RBFOX1: variants seen among roughly 807,000 people sequenced by gnomAD.
The protein encoded by RBFOX1 is RNA binding protein fox-1 homolog 1.
Under a neutral mutation model 57.7 loss-of-function variants are expected in RBFOX1, and 8 were observed. The ratio of observed to expected loss-of-function variants is 0.14; its 90% CI spans 0.08 to 0.25. RBFOX1 has a LOEUF of 0.25. Ranked by LOEUF, RBFOX1 falls within the 10% of genes least tolerant of loss-of-function variation. The pLI is 1.00. For synonymous variants in RBFOX1, 326 were observed against 222.4 expected (o/e 1.47, Z -4.15); for missense variants, 611 against 548.5 (o/e 1.11, Z -1.14).
At chr16:5,478,834 C>T (rs538387324) in intron 2 of RBFOX1, among the ~76,000 whole-genome samples, 64 of 152,210 alleles carry the variant, frequency 4.2e-4, no homozygotes, top group East Asian at 3.9e-4. Flanking sequence ...CCTACTCCCT[C>T]CCATGGGCTG....
At chr16:6,923,341 C>T (rs930889308) in intron 3 of RBFOX1, among the ~76,000 whole-genome samples, 4 of 152,084 alleles carry the variant, frequency 2.6e-5, no homozygotes, top group Admixed American at 6.6e-5. Context: ...CAAGACCAGC[C>T]TGGCCAACAT....
At chr16:6,003,601 T>G (rs911617948) in intron 4 of RBFOX1, among the ~76,000 whole-genome samples, 3 of 152,154 alleles carry the variant, frequency 2.0e-5, no homozygotes, top group African/African-American at 7.2e-5. Context: ...AGCGACAGCT[T>G]CCTGATCACC....
At chr16:7,480,735 G>C (rs1228118639) in intron 4 of RBFOX1, among the ~76,000 whole-genome samples, 2 of 152,302 alleles carry the variant, frequency 1.3e-5, no homozygotes, top group Non-Finnish European at 2.9e-5. Context: ...CGAGGGCACA[G>C]GCTTGACTGC....
chr16:5,396,936 G>T (rs184034074), intron 1 of RBFOX1, among the ~76,000 whole-genome samples: 1 of 152,188 alleles, frequency 6.6e-6, no homozygotes, highest in Admixed American at 6.5e-5. Flanking sequence ...AATCCTATCA[G>T]ACACCCCTGG....
At chr16:6,163,780 A>G (rs75306547) in intron 1 of RBFOX1, among the ~76,000 whole-genome samples, 5,162 of 152,286 alleles carry the variant, frequency 0.034, 316 homozygotes, top group African/African-American at 0.12. Flanking sequence ...TTATAAGGTG[A>G]TGTGTACCTA....
At chr16:7,657,117 G>A (rs1489267915) in intron 12 of RBFOX1, among the ~76,000 whole-genome samples, 2 of 152,088 alleles carry the variant, frequency 1.3e-5, no homozygotes, top group East Asian at 3.9e-4. Context: ...TAAAATACCA[G>A]TCAAAAAGGT....
rs374917968 is a variant in RBFOX1 at position 6,992,453 on chromosome 16, C to T, written c.-15-59604C>T. Among the ~76,000 whole-genome samples, 27 of 152,144 alleles carry T rather than the reference C, an allele frequency of 1.8e-4. No individual in the cohort carries two copies. In the East Asian group the frequency reaches 2.7e-3, roughly 15 times the overall value. On this transcript the variant is annotated intron_variant, in intron 3 of 15. Transcript: ENST00000550418. The stretch of plus-strand genomic sequence containing the variant: ...GGCTGGTCTTGAACTCTTGATCTCA[C>T]GTGATCTGCCTTGGCCTCCCAAAGT...
chr16:7,701,239 T>G (rs1018124996), intron 14 of RBFOX1, among the ~76,000 whole-genome samples: 1 of 145,472 alleles, frequency 6.9e-6, no homozygotes, highest in African/African-American at 2.8e-5. Context: ...TTTTGGAGAC[T>G]TTGCTGCATT....
At chr16:6,011,235 C>G (rs1449156549) in intron 4 of RBFOX1, among the ~76,000 whole-genome samples, 3 of 152,184 alleles carry the variant, frequency 2.0e-5, no homozygotes, top group Non-Finnish European at 4.4e-5. Flanking sequence ...CTATTTACAC[C>G]TCATTGACTC....
At chr16:7,494,104 TG>T (rs1170382986) in intron 4 of RBFOX1, among the ~76,000 whole-genome samples, 2 of 152,120 alleles carry the variant, frequency 1.3e-5, no homozygotes, top group Non-Finnish European at 2.9e-5. Flanking sequence ...CAATGTCTAG[TG>T]GGGGAGCTAT....
chr16:7,370,660 A>G (rs2097549114), intron 4 of RBFOX1, among the ~76,000 whole-genome samples: 1 of 152,200 alleles, frequency 6.6e-6, no homozygotes, highest in South Asian at 2.1e-4. Context: ...GCCATCCGCT[A>G]TGATCTGATT....
chr16:5,272,222 T>C (rs181900969), intron 1 of RBFOX1, among the ~76,000 whole-genome samples: 86 of 152,352 alleles, frequency 5.6e-4, no homozygotes, highest in African/African-American at 1.9e-3. Flanking sequence ...ACATTTCAAA[T>C]GTCTCATCCT....
chr16:6,833,272 T>C (rs1240293041), intron 3 of RBFOX1, among the ~76,000 whole-genome samples: 1 of 152,036 alleles, frequency 6.6e-6, no homozygotes, highest in Non-Finnish European at 1.5e-5. Context: ...TTGAAGAGAT[T>C]CTCCTGCCTC....
At chr16:6,758,175 G>A (rs1443923994) in intron 3 of RBFOX1, among the ~76,000 whole-genome samples, 1 of 152,084 alleles carries the variant, frequency 6.6e-6, no homozygotes, top group Non-Finnish European at 1.5e-5. Flanking sequence ...TCCTCTTAAT[G>A]TCTTGCTGTG....
At chr16:7,187,708 AAAAAAAAAAAAAAAAAAGGAAAAG>A (rs2084272040) in intron 4 of RBFOX1, among the ~76,000 whole-genome samples, 1 of 143,584 alleles carries the variant, frequency 7.0e-6, no homozygotes, top group African/African-American at 2.8e-5. Context: ...AAAAAAAAAA[AAAAAAAAAAAAAAAAAAGGAAAAG>A]AAAAGAAGCG....
chr16:6,929,247 A>G (rs1026516651), intron 3 of RBFOX1, among the ~76,000 whole-genome samples: 4 of 152,174 alleles, frequency 2.6e-5, no homozygotes, highest in African/African-American at 9.7e-5. Context: ...GACAGAGAAG[A>G]AGAAGATATT....
chr16:7,672,744 G>A (rs1021811647), intron 13 of RBFOX1, among the ~76,000 whole-genome samples: 1 of 151,642 alleles, frequency 6.6e-6, no homozygotes, highest in African/African-American at 2.4e-5. Context: ...GCACATGCCT[G>A]CAGTCCCAGC....
At position 7,624,922 on chromosome 16, in the gene RBFOX1, C is replaced by T. The variant is rs190954996; in HGVS notation, c.677-5681C>T. Reference sequence around the variant, plus strand: ...ACACACGTGGAGTGGTTTTAAGGAGCGAAAAGTGTAATAGGCAAGAAAGGA... The same window carrying T: ...ACACACGTGGAGTGGTTTTAAGGAGTGAAAAGTGTAATAGGCAAGAAAGGA... On this transcript the variant is annotated intron_variant, in intron 10 of 15. Transcript: ENST00000550418. Among the ~76,000 whole-genome samples the T allele has an allele frequency of 3.6e-4, 55 of 152,010 alleles. No individual in the cohort carries two copies. In the Middle Eastern group the frequency reaches 0.014, roughly 38 times the overall value.
intron 2 of RBFOX1, among the ~76,000 whole-genome samples, chr16:6,542,126 A>T (rs1599332022): frequency 6.6e-6 from 1 of 151,954 alleles, no homozygotes; most frequent in African/African-American, 2.4e-5. Context: ...GGCTATTGCT[A>T]TGTTGCCCAG....
Sources: allele counts gnomAD v4.1 joint callset (sites outside exome capture counted in the v4.1 genomes callset), GRCh38; gene constraint gnomAD v4.1.1; transcripts MANE v1.5; gene names NCBI Gene and HGNC (gene_info 2026-07-23, HGNC 2026-07-21).